HMOX2: variants seen among roughly 807,000 people sequenced by gnomAD.
The protein encoded by HMOX2 is heme oxygenase (decycling) 2.
Under a neutral mutation model 33.7 loss-of-function variants are expected in HMOX2, and 30 were observed. The ratio of observed to expected loss-of-function variants is 0.89; its 90% confidence interval spans 0.67 to 1.21. The LOEUF is 1.21. HMOX2 is among the 50% of genes most tolerant of loss of function. The pLI is 0.00. For missense variants in HMOX2, 403 were observed against 399.1 expected (o/e 1.01, Z -0.08); for synonymous variants, 155 against 155.0 (o/e 1.00, Z 0.00).
chr16:4,491,680 C>T (rs1433245672), intron 1 of HMOX2, among the ~76,000 whole-genome samples: 2 of 151,658 alleles, frequency 1.3e-5, no homozygotes, highest in East Asian at 3.9e-4. Flanking sequence ...GCTAGAAATC[C>T]CAAGATTTTT....
chr16:4,483,160 GGTGTGTGTGTGTGTGT>G (rs35532266), intron 1 of HMOX2, among the ~76,000 whole-genome samples: 1,548 of 131,792 alleles, frequency 0.012, 36 homozygotes, highest in African/African-American at 0.034. Flanking sequence ...TGCAAACCCT[GGTGTGTGTGTGTGTGT>G]GTGTGTGTGT....
chr16:4,496,894 A>C (rs1162849543), intron 1 of HMOX2: 1 of 151,318 alleles, frequency 6.6e-6, no homozygotes, highest in African/African-American at 2.4e-5. Context: ...GGGGGGTCTC[A>C]CTATGTTTCC....
intron 1 of HMOX2, among the ~76,000 whole-genome samples, chr16:4,491,041 T>C (rs984714059): frequency 6.6e-6 from 1 of 152,224 alleles, no homozygotes; most frequent in South Asian, 2.1e-4. Flanking sequence ...CAACTAAATA[T>C]GTCTGCAAAC....
intron 1 of HMOX2, among the ~76,000 whole-genome samples, chr16:4,488,145 A>C (rs1489235132): frequency 6.6e-6 from 1 of 150,464 alleles, no homozygotes; most frequent in African/African-American, 2.5e-5. Flanking sequence ...AAAAAAAAAA[A>C]AACAGGCTTG....
chr16:4,504,866 T>C (rs2058651860), intron 1 of HMOX2, among the ~76,000 whole-genome samples: 2 of 151,238 alleles, frequency 1.3e-5, no homozygotes, highest in African/African-American at 4.9e-5. Context: ...TTTTTTGTAT[T>C]TTTAGTAGAG....
At chr16:4,492,975 A>AAC (rs1411390496) in intron 1 of HMOX2, among the ~76,000 whole-genome samples, 3 of 152,160 alleles carry the variant, frequency 2.0e-5, no homozygotes, top group African/African-American at 4.8e-5. Flanking sequence ...AGTGGGGAGA[A>AAC]AAAGGAAATA....
At chr16:4,479,383 G>C (rs2057955925) in intron 1 of HMOX2, 1 of 152,104 alleles carries the variant, frequency 6.6e-6, no homozygotes, top group Admixed American at 6.6e-5. Context: ...ATCCTTGTTT[G>C]GGGTCCTTGT....
At chr16:4,486,782 T>A (rs1348454251) in intron 1 of HMOX2, among the ~76,000 whole-genome samples, 1 of 152,194 alleles carries the variant, frequency 6.6e-6, no homozygotes. Flanking sequence ...AGCAAATGTT[T>A]AATTGAATAT....
At chr16:4,482,578 C>G (rs891815707) in intron 1 of HMOX2, among the ~76,000 whole-genome samples, 1 of 152,202 alleles carries the variant, frequency 6.6e-6, no homozygotes, top group Non-Finnish European at 1.5e-5. Flanking sequence ...GCACTAGTCA[C>G]AAGTAGTAAA....
At chr16:4,494,220 G>A (rs2058366789) in intron 1 of HMOX2, among the ~76,000 whole-genome samples, 1 of 151,980 alleles carries the variant, frequency 6.6e-6, no homozygotes, top group African/African-American at 2.4e-5. Context: ...GGAGGCTGAG[G>A]CAGGAGAATG....
At chr16:4,502,216 T>C (rs1305945224) in intron 1 of HMOX2, among the ~76,000 whole-genome samples, 1 of 152,200 alleles carries the variant, frequency 6.6e-6, no homozygotes, top group Non-Finnish European at 1.5e-5. Context: ...CGAACCACTG[T>C]GCCTGGCTCC....
intron 2 of HMOX2, 135 bp downstream of exon 2, chr16:4,505,745 GGC>G: frequency 8.3e-6 from 5 of 602,800 alleles, no homozygotes; most frequent in Non-Finnish European, 1.5e-5. Context: ...GTGCCTGCTT[GGC>G]CCTGCAGGGA....
chr16:4,488,574 T>A (rs1361171221), intron 1 of HMOX2: 1 of 152,200 alleles, frequency 6.6e-6, no homozygotes, highest in African/African-American at 2.4e-5. Flanking sequence ...AAAATGTACA[T>A]AGATACAGGA....
At chr16:4,477,074 A>T (rs2057872933) in intron 1 of HMOX2, among the ~76,000 whole-genome samples, 1 of 152,148 alleles carries the variant, frequency 6.6e-6, no homozygotes, top group Non-Finnish European at 1.5e-5. Flanking sequence ...GTGTGGGGGC[A>T]GCCGGTTAGT....
At chr16:4,477,155 C>T (rs1242748881) in intron 1 of HMOX2, among the ~76,000 whole-genome samples, 1 of 152,104 alleles carries the variant, frequency 6.6e-6, no homozygotes, top group Non-Finnish European at 1.5e-5. Context: ...GCAAAAGCTG[C>T]CGGGACCTCC....
chr16:4,479,724 CTATT>C (rs1190045269), intron 1 of HMOX2, among the ~76,000 whole-genome samples: 2 of 93,888 alleles, frequency 2.1e-5, no homozygotes, highest in African/African-American at 8.8e-5. Context: ...TTTTCTTATT[CTATT>C]TTTTTTTTTT....
chr16:4,486,561 T>C (rs775796444), intron 1 of HMOX2, among the ~76,000 whole-genome samples: 12 of 152,192 alleles, frequency 7.9e-5, no homozygotes, highest in Non-Finnish European at 1.6e-4. Flanking sequence ...TCACGAACTT[T>C]TCAAGGAACT....
intron 1 of HMOX2, among the ~76,000 whole-genome samples, chr16:4,491,214 G>A (rs1053769461): frequency 3.3e-5 from 5 of 152,020 alleles, no homozygotes; most frequent in African/African-American, 1.2e-4. Flanking sequence ...TTTATAAGTC[G>A]CTCTAAAGAA....
At chr16:4,475,403 G>T (rs1427470360), upstream of HMOX2, among the ~76,000 whole-genome samples, 1 of 151,618 alleles carries the variant, frequency 6.6e-6, no homozygotes, top group East Asian at 2.0e-4. Context: ...CGCCTCTTGG[G>T]TTCAAGTGAT....
Sources: gnomAD v4.1 joint callset for allele counts (sites outside exome capture counted in the v4.1 genomes callset) on GRCh38, gnomAD v4.1.1 for gene constraint, MANE v1.5 for transcripts, NCBI Gene and HGNC (gene_info 2026-07-23, HGNC 2026-07-21) for gene names.